RAB11FIP3: variants seen among roughly 807,000 people sequenced by gnomAD.
RAB11FIP3 encodes the protein RAB11 family interacting protein 3, also known as rab11 family-interacting protein 3.
Under a neutral mutation model 77.8 loss-of-function variants are expected in RAB11FIP3, and 17 were observed. That is an observed-to-expected ratio of 0.22 (90% CI 0.15 to 0.33). The LOEUF is 0.33. RAB11FIP3 is among the 10% of genes least tolerant of loss of function. The pLI, the probability that RAB11FIP3 is intolerant of heterozygous loss-of-function variation, is 1.00. For missense variants in RAB11FIP3, 1,005 were observed against 1,011.2 expected (o/e 0.99, Z 0.08); for synonymous variants, 437 against 448.2 (o/e 0.98, Z 0.31).
In RAB11FIP3 at chr16:474,201, G is replaced by C. The variant is rs566443924; in HGVS notation, c.903+2812G>C. Among the ~76,000 whole-genome samples the C allele has an allele frequency of 7.2e-5, 11 of 152,260 alleles. No homozygotes were observed. The South Asian group carries it at 2.1e-3, about 29-fold the overall frequency. On this transcript the variant is annotated intron_variant, in intron 3 of 13. Transcript: ENST00000262305. ...CCTATTCGGGGACCCTCCACTGGTA[G>C]TCTTCAGGTAAATAAACCTTTGATT...
chr16:463,312 G>A (rs1280566302), intron 2 of RAB11FIP3, among the ~76,000 whole-genome samples: 1 of 151,972 alleles, frequency 6.6e-6, no homozygotes, highest in African/African-American at 2.4e-5. Context: ...CTTGGACCTC[G>A]ACCTCAGGTC....
At chr16:473,220 T>C (rs541664517) in intron 3 of RAB11FIP3, among the ~76,000 whole-genome samples, 96 of 152,322 alleles carry the variant, frequency 6.3e-4, no homozygotes, top group African/African-American at 2.2e-3. Flanking sequence ...GTCTGAAGGG[T>C]GTGGCCGAGC....
intron 6 of RAB11FIP3, among the ~76,000 whole-genome samples, chr16:497,944 A>T (rs2141838717): frequency 6.6e-6 from 1 of 151,478 alleles, no homozygotes; most frequent in Middle Eastern, 3.4e-3. Flanking sequence ...CTCTACAAAA[A>T]AAAAAAAAAA....
At chr16:430,509 C>G (rs1389918443) in intron 1 of RAB11FIP3, among the ~76,000 whole-genome samples, 2 of 152,040 alleles carry the variant, frequency 1.3e-5, no homozygotes, top group Admixed American at 1.3e-4. Context: ...ATTCCTGCAC[C>G]GCTAATGGTG....
Position 428,832 on chromosome 16 carries a change from T to G in RAB11FIP3, c.714+2112T>G, listed in dbSNP as rs79415464. 9.3e-3 allele frequency among the ~76,000 whole-genome samples: 1,413 copies of G among 152,246 alleles called. 18 individuals are homozygous for G. The highest frequency in any genetic ancestry group is 0.031 in the Middle Eastern group (9 of 294). ...AATGGGAAAAACTTTGTGTTGCTAT[T>G]TGGGGCTGAGCTTTCTTGTCATCAC... On this transcript the variant is annotated intron_variant, in intron 1 of 13. Coordinates refer to ENST00000262305, the MANE Select transcript of RAB11FIP3 (RefSeq NM_014700.4).
At position 507,470 on chromosome 16, in the gene RAB11FIP3, C is replaced by T. The variant is rs747896014; in HGVS notation, c.1499+1843C>T. Among the ~76,000 whole-genome samples the T allele has an allele frequency of 2.0e-5, 3 of 152,130 alleles. No homozygotes were observed. The highest frequency in any genetic ancestry group is 1.9e-4 in the East Asian group (1 of 5,188). On this transcript the variant is annotated intron_variant, in intron 8 of 13. Transcript: ENST00000262305. The surrounding 1 kb of genome is among the most constrained non-coding windows in gnomAD (Gnocchi z 4.6). ...CCATGTTGCCCATGCTGGTCTCAAACGCCTGGCCTCAAGCGATCCTCCCAC... is the reference window on the plus strand; with the variant it reads ...CCATGTTGCCCATGCTGGTCTCAAATGCCTGGCCTCAAGCGATCCTCCCAC...
At chr16:467,169 T>C (rs138288293) in intron 2 of RAB11FIP3, among the ~76,000 whole-genome samples, 1 of 152,226 alleles carries the variant, frequency 6.6e-6, no homozygotes, top group Non-Finnish European at 1.5e-5. Flanking sequence ...TGGGGAGGCC[T>C]CCCTGAGAAC....
chr16:520,872 G>A lies in RAB11FIP3; in HGVS notation c.*33G>A, dbSNP rs1299623158. 1 of 1,565,202 alleles carries A rather than the reference G, an allele frequency of 6.4e-7. No homozygotes were observed. The highest frequency in any genetic ancestry group is 1.1e-5 in the South Asian group (1 of 90,040). On this transcript the variant is annotated 3_prime_UTR_variant, in exon 14 of 14. Coordinates refer to ENST00000262305, the MANE Select transcript of RAB11FIP3 (RefSeq NM_014700.4). ...AAGGTCCAGCCTGAGCTGGATTCGGGACTCCAACACCCTGGAGTGGTTCCG... is the reference window on the plus strand; with the variant it reads ...AAGGTCCAGCCTGAGCTGGATTCGGAACTCCAACACCCTGGAGTGGTTCCG...
chr16:502,585 G>T (rs2031593482), intron 6 of RAB11FIP3, among the ~76,000 whole-genome samples: 1 of 152,216 alleles, frequency 6.6e-6, no homozygotes, highest in African/African-American at 2.4e-5. Context: ...GTGCACAGGG[G>T]AGGTGTCTGC....
At chr16:511,998 A>C (rs1236506457) in intron 9 of RAB11FIP3, among the ~76,000 whole-genome samples, 1 of 149,646 alleles carries the variant, frequency 6.7e-6, no homozygotes, top group Non-Finnish European at 1.5e-5. Flanking sequence ...CCACCCCAGA[A>C]ACTGCAGGCC....
chr16:455,082 CTT>C lies in RAB11FIP3; in HGVS notation c.715-6309_715-6308del, dbSNP rs764140198. 9.5e-4 allele frequency among the ~76,000 whole-genome samples: 130 copies of C among 136,302 alleles called. 1 individual carries two copies. Among genetic ancestry groups the C allele is most frequent in the African/African-American group, 3.3e-3 (125 of 37,460 alleles). 89.4% of individuals were successfully genotyped at this position (136,302 alleles called of 152,430 possible). ...AAAACAAAAAAACTAGGCTTTCTTT[CTT>C]TTTTTTTTTTTTCTTGGCCACATGC... On this transcript the variant is annotated intron_variant, in intron 1 of 13. Coordinates refer to ENST00000262305, the MANE Select transcript of RAB11FIP3 (RefSeq NM_014700.4).
At chr16:493,519 A>T (rs1361624824) in intron 5 of RAB11FIP3, among the ~76,000 whole-genome samples, 2 of 152,212 alleles carry the variant, frequency 1.3e-5, no homozygotes, top group African/African-American at 4.8e-5. Flanking sequence ...ACAGGCCAAT[A>T]GCTGTTGCAT....
rs1439361712 is a variant in RAB11FIP3, at chr16:472,636, C to T, written c.903+1247C>T. On this transcript the variant is annotated intron_variant, in intron 3 of 13. Transcript: ENST00000262305. The surrounding 1 kb of genome is among the most constrained non-coding windows in gnomAD (Gnocchi z 4.1). ...GTCCGGGGAACTGTGTGTTCCTGGG[C>T]GTTCATGTGCCTGTGCACTCTTTCT... is the stretch of plus-strand genomic sequence containing the variant. Among the ~76,000 whole-genome samples the T allele has an allele frequency of 2.0e-5, 3 of 152,100 alleles. No homozygotes were observed. The highest frequency in any genetic ancestry group is 6.5e-5 in the Admixed American group (1 of 15,276).
At chr16:475,810 G>A (rs182536504) in intron 3 of RAB11FIP3, among the ~76,000 whole-genome samples, 5 of 152,328 alleles carry the variant, frequency 3.3e-5, no homozygotes, top group African/African-American at 7.2e-5. Context: ...TACAGTGCAC[G>A]GAGCCACTCT....
intron 1 of RAB11FIP3, among the ~76,000 whole-genome samples, chr16:432,236 G>C (rs933578299): frequency 6.6e-6 from 1 of 152,058 alleles, no homozygotes; most frequent in Non-Finnish European, 1.5e-5. Context: ...AATTAGCTGG[G>C]TGTGGTGGTA....
intron 1 of RAB11FIP3, among the ~76,000 whole-genome samples, chr16:428,258 TC>T: frequency 6.6e-6 from 1 of 152,270 alleles, no homozygotes; most frequent in South Asian, 2.1e-4. Flanking sequence ...AGGGTAGTTT[TC>T]CACCTACACT....
chr16:438,308 A>C (rs575955801), intron 1 of RAB11FIP3, among the ~76,000 whole-genome samples: 1 of 147,428 alleles, frequency 6.8e-6, no homozygotes, highest in Admixed American at 6.8e-5. Context: ...GGGTTTCACT[A>C]TGTTGGCCAG....
At chr16:477,867 G>C (rs1240571687) in intron 3 of RAB11FIP3, among the ~76,000 whole-genome samples, 1 of 152,190 alleles carries the variant, frequency 6.6e-6, no homozygotes, top group Non-Finnish European at 1.5e-5. Context: ...CCACCCACCA[G>C]TGACACTCGC....
chr16:520,610 C>T lies in RAB11FIP3; in HGVS notation c.2157+11C>T, dbSNP rs374221675. The T allele has an allele frequency of 3.1e-6, 5 of 1,612,808 alleles. No individual in the cohort carries two copies. Among genetic ancestry groups the T allele is most frequent in the Non-Finnish European group, 4.2e-6 (5 of 1,179,608 alleles). On this transcript the variant is annotated intron_variant, in intron 13 of 13. Transcript: ENST00000262305. ...GTCTCCCGAGATGAGGTAACACATC[C>T]CGTGTCTGCACGGTGTGGCCTGGGG...
Sources: gnomAD v4.1 joint callset for allele counts (sites outside exome capture counted in the v4.1 genomes callset) on GRCh38, gnomAD v4.1.1 for gene constraint, Gnocchi (gnomAD v3.1) non-coding constraint, MANE v1.5 for transcripts, NCBI Gene and HGNC (gene_info 2026-07-23, HGNC 2026-07-21) for gene names.